MYLK3: variants seen among roughly 807,000 people sequenced by gnomAD.
MYLK3 encodes the protein myosin light chain kinase 3.
Under a neutral mutation model 76.3 loss-of-function variants are expected in MYLK3, and 55 were observed. The ratio of observed to expected loss-of-function variants is 0.72; its 90% CI spans 0.58 to 0.90. MYLK3 has a LOEUF of 0.90. MYLK3 is among the 40% of genes least tolerant of loss of function. The pLI is 0.00. For synonymous variants in MYLK3, 416 were observed against 425.4 expected, an observed-to-expected ratio of 0.98 and a Z score of 0.27; for missense variants, 973 against 1,053.6, an observed-to-expected ratio of 0.92 and a Z score of 1.06.
intron 1 of MYLK3, among the ~76,000 whole-genome samples, chr16:46,760,982 C>T (rs1418663103): frequency 6.6e-6 from 1 of 152,164 alleles, no homozygotes; most frequent in Non-Finnish European, 1.5e-5. Flanking sequence ...TGGAATGACA[C>T]AGTGGCCAGG....
chr16:46,723,576 A>T (rs576562017), intron 8 of MYLK3, among the ~76,000 whole-genome samples: 1 of 152,146 alleles, frequency 6.6e-6, no homozygotes, highest in South Asian at 2.1e-4. Flanking sequence ...CAAACTTTTT[A>T]AAAAGCGAAT....
intron 1 of MYLK3, among the ~76,000 whole-genome samples, chr16:46,740,557 T>A (rs1298398014): frequency 0.018 from 2,076 of 118,300 alleles, 19 homozygotes; most frequent in African/African-American, 0.045. Flanking sequence ...ATATATTTTT[T>A]TTTTTTTTTT....
At chr16:46,733,182 C>A (rs181199388) in intron 3 of MYLK3, among the ~76,000 whole-genome samples, 2 of 152,148 alleles carry the variant, frequency 1.3e-5, no homozygotes, top group Admixed American at 6.5e-5. Context: ...GGCAACATAG[C>A]AAGACCCCAC....
chr16:46,742,461 CACACACACACA>C (rs1966949347), intron 1 of MYLK3, among the ~76,000 whole-genome samples: 1 of 121,524 alleles, frequency 8.2e-6, no homozygotes, highest in Non-Finnish European at 1.6e-5. Flanking sequence ...CACACACACA[CACACACACACA>C]CACACACACA....
rs60275113 is a variant in MYLK3 at position 46,706,293 on chromosome 16, C to CTTTTTTT, written c.*1404_*1410dup. ...TGTGTATATATACATATACTGTATTCTTTTTTTTTTTTTTTTTTGAGACGG... is the reference window on the plus strand; with the variant it reads ...TGTGTATATATACATATACTGTATTCTTTTTTTTTTTTTTTTTTTTTTTTTGAGACGG... On this transcript the variant is annotated 3_prime_UTR_variant, in exon 13 of 13. Coordinates refer to ENST00000394809, the MANE Select transcript of MYLK3 (RefSeq NM_182493.3). 7.6e-6 allele frequency: 1 copy of CTTTTTTT among 131,934 alleles called. No homozygotes were observed. The highest frequency in any genetic ancestry group is 2.2e-4 in the East Asian group (1 of 4,650). The allele number at this position is 131,934 out of a possible 1,614,324, so 8.2% of individuals were successfully genotyped here.
intron 1 of MYLK3, among the ~76,000 whole-genome samples, chr16:46,754,842 C>A (rs1487970153): frequency 1.3e-5 from 2 of 152,014 alleles, no homozygotes; most frequent in Admixed American, 6.6e-5. Context: ...AGACATTACA[C>A]CACCATCAGA....
chr16:46,710,393 A>G (rs1159775784), intron 11 of MYLK3, among the ~76,000 whole-genome samples: 2 of 152,252 alleles, frequency 1.3e-5, no homozygotes, highest in Admixed American at 6.5e-5. Context: ...ACTTGCAGAT[A>G]GGACCAATCT....
chr16:46,728,133 G>A (rs534035023), intron 7 of MYLK3, among the ~76,000 whole-genome samples: 1 of 152,194 alleles, frequency 6.6e-6, no homozygotes, highest in Non-Finnish European at 1.5e-5. Context: ...CATGACAAAT[G>A]TTTTACTCTC....
chr16:46,743,790 G>A (rs1000259215), intron 1 of MYLK3, among the ~76,000 whole-genome samples: 1 of 152,154 alleles, frequency 6.6e-6, no homozygotes, highest in African/African-American at 2.4e-5. Context: ...GAAAGAGGGG[G>A]AAAAGATATG....
intron 4 of MYLK3, 29 bp downstream of exon 4, chr16:46,732,179 G>C (rs746274347): frequency 6.5e-7 from 1 of 1,532,970 alleles, no homozygotes; most frequent in Non-Finnish European, 8.7e-7. Flanking sequence ...CTCAGGGCTC[G>C]TGTCTAGCCA....
intron 1 of MYLK3, among the ~76,000 whole-genome samples, chr16:46,755,895 CTTTTTTCTTTCT>C (rs1567294197): frequency 3.0e-5 from 4 of 134,208 alleles, no homozygotes; most frequent in African/African-American, 1.1e-4. Flanking sequence ...GTTCTTTTTT[CTTTTTTCTTTCT>C]TTTTTTTTTT....
chr16:46,726,170 C>T (rs1468343362), intron 8 of MYLK3: 3 of 152,150 alleles, frequency 2.0e-5, no homozygotes, highest in Non-Finnish European at 2.9e-5. Context: ...CGATTATGTT[C>T]CATTGGTCTA....
At chr16:46,709,478 T>C (rs1337605344) in intron 12 of MYLK3, 61 bp downstream of exon 12, 4 of 1,536,576 alleles carry the variant, frequency 2.6e-6, no homozygotes, top group Non-Finnish European at 3.5e-6. Context: ...TTAGCTACAG[T>C]TTTTTCCAAG....
intron 10 of MYLK3, among the ~76,000 whole-genome samples, chr16:46,712,135 C>A (rs1966690796): frequency 6.6e-6 from 1 of 152,156 alleles, no homozygotes; most frequent in African/African-American, 2.4e-5. Flanking sequence ...GGACGATAGG[C>A]ACGCACCACA....
intron 10 of MYLK3, 87 bp from the exon 11 acceptor site, chr16:46,710,876 G>A: frequency 2.6e-6 from 4 of 1,533,546 alleles, no homozygotes; most frequent in Non-Finnish European, 3.6e-6. Context: ...CAGAGTTCAA[G>A]TGGACCTAGC....
chr16:46,714,569 G>T (rs1966718114), intron 9 of MYLK3, among the ~76,000 whole-genome samples: 1 of 152,198 alleles, frequency 6.6e-6, no homozygotes, highest in African/African-American at 2.4e-5. Context: ...CTCCAACTAA[G>T]GGAAGAGCCT....
intron 12 of MYLK3, 28 bp downstream of exon 12, chr16:46,709,511 C>G: frequency 6.2e-7 from 1 of 1,602,988 alleles, no homozygotes; most frequent in Non-Finnish European, 8.5e-7. Flanking sequence ...TGACAAATTC[C>G]ACCTTTACTA....
chr16:46,710,050 A>G (rs1429286932), intron 11 of MYLK3, among the ~76,000 whole-genome samples: 2 of 152,206 alleles, frequency 1.3e-5, no homozygotes, highest in Non-Finnish European at 2.9e-5. Flanking sequence ...TATAAAGCCA[A>G]CTTGTTCATC....
At chr16:46,727,187 G>A (rs766817411) in intron 8 of MYLK3, 49 bp downstream of exon 8, 1 of 1,593,168 alleles carries the variant, frequency 6.3e-7, no homozygotes, top group Non-Finnish European at 8.6e-7. Context: ...GAGCACGCCA[G>A]GAGCTAGGAC....
Sources: gnomAD v4.1 joint callset for allele counts (sites outside exome capture counted in the v4.1 genomes callset) on GRCh38, gnomAD v4.1.1 for gene constraint, MANE v1.5 for transcripts, NCBI Gene and HGNC (gene_info 2026-07-23, HGNC 2026-07-21) for gene names.